GALNT11: variants seen among roughly 807,000 people sequenced by gnomAD.
The protein encoded by GALNT11 is polypeptide N-acetylgalactosaminyltransferase 11, also known as UDP-GalNAc:polypeptide N-acetylgalactosaminyltransferase 11.
In GALNT11, 47 loss-of-function variants were observed where a neutral mutation model predicts 72.7. The ratio of observed to expected loss-of-function variants is 0.65; its 90% CI spans 0.51 to 0.82. The LOEUF (loss-of-function observed/expected upper bound fraction) is 0.82. Ranked by LOEUF, GALNT11 falls within the 40% of genes least tolerant of loss-of-function variation. GALNT11 has a pLI of 0.00. For missense variants in GALNT11, 677 were observed against 778.4 expected (o/e 0.87, Z 1.55); for synonymous variants, 270 against 286.6 (o/e 0.94, Z 0.58).
chr7:152,061,066 T>C (rs2083984309), intron 1 of GALNT11, among the ~76,000 whole-genome samples: 1 of 152,202 alleles, frequency 6.6e-6, no homozygotes, highest in Non-Finnish European at 1.5e-5. Context: ...TCCACAATGG[T>C]TGAACTAGTT....
intron 9 of GALNT11, 112 bp downstream of exon 9, chr7:152,117,487 C>T (rs2088983820): frequency 3.0e-6 from 3 of 1,012,480 alleles, no homozygotes; most frequent in Non-Finnish European, 3.0e-6. Context: ...AGTGTAATGA[C>T]AGGCTTCAGC....
rs1408039998 is a variant in GALNT11 at position 152,090,356 on chromosome 7, A to G, written c.-38-3834A>G. Among the ~76,000 whole-genome samples the G allele has an allele frequency of 2.0e-5, 3 of 151,964 alleles. No individual in the cohort carries two copies. In the East Asian group the frequency reaches 5.8e-4, roughly 29 times the overall value. ...CTGATAATGCTTTTATTATTCTTTTATGTTCCTTGGGTTTATTCAGTTATA... is the reference window on the plus strand; with the variant it reads ...CTGATAATGCTTTTATTATTCTTTTGTGTTCCTTGGGTTTATTCAGTTATA... On this transcript the variant is annotated intron_variant, in intron 1 of 11. Transcript: ENST00000430044.
intron 1 of GALNT11, among the ~76,000 whole-genome samples, chr7:152,052,915 G>A (rs145023143): frequency 2.9e-4 from 44 of 152,178 alleles, no homozygotes; most frequent in East Asian, 1.5e-3. Context: ...CATTCTCTCC[G>A]TGGTCCCTGT....
chr7:152,043,339 A>AAAATTTAT (rs2082958965), intron 1 of GALNT11, among the ~76,000 whole-genome samples: 1 of 152,198 alleles, frequency 6.6e-6, no homozygotes, highest in Non-Finnish European at 1.5e-5. Context: ...CCCAGGCAGA[A>AAAATTTAT]GGCTCACAGC....
chr7:152,033,535 T>G (rs2082407885), intron 1 of GALNT11, among the ~76,000 whole-genome samples: 1 of 152,194 alleles, frequency 6.6e-6, no homozygotes, highest in African/African-American at 2.4e-5. Context: ...GGTAACAAAC[T>G]TATATTTTAC....
chr7:152,033,223 G>A (rs1252071325), intron 1 of GALNT11, among the ~76,000 whole-genome samples: 1 of 152,200 alleles, frequency 6.6e-6, no homozygotes, highest in Non-Finnish European at 1.5e-5. Context: ...GGATGAGGGG[G>A]TGGCTTGTTT....
chr7:152,046,735 T>A (rs1047451553), intron 1 of GALNT11, among the ~76,000 whole-genome samples: 10 of 152,220 alleles, frequency 6.6e-5, no homozygotes, highest in African/African-American at 2.4e-4. Context: ...GTCTGCTTTT[T>A]TATCCATTCA....
At chr7:152,121,059 G>T in intron 11 of GALNT11, 91 bp downstream of exon 11, 1 of 1,482,122 alleles carries the variant, frequency 6.7e-7, no homozygotes, top group Admixed American at 2.4e-5. Flanking sequence ...TTCTACCTTG[G>T]GGGTGGTCTT....
intron 1 of GALNT11, among the ~76,000 whole-genome samples, chr7:152,068,661 A>G (rs2084454489): frequency 6.6e-6 from 1 of 151,922 alleles, no homozygotes; most frequent in Non-Finnish European, 1.5e-5. Flanking sequence ...TCTTTTTTCT[A>G]AGGGAAGAGA....
intron 1 of GALNT11, among the ~76,000 whole-genome samples, chr7:152,054,828 T>A (rs1400954500): frequency 6.6e-6 from 1 of 152,162 alleles, no homozygotes; most frequent in Non-Finnish European, 1.5e-5. Flanking sequence ...ATGTTCATGT[T>A]ACTCAATCCC....
intron 1 of GALNT11, among the ~76,000 whole-genome samples, chr7:152,071,598 C>T (rs2084653907): frequency 1.3e-5 from 2 of 151,980 alleles, no homozygotes; most frequent in South Asian, 4.2e-4. Context: ...CCTCAGCTGA[C>T]AGGATTAAGA....
At chr7:152,091,130 C>A (rs1190787197) in intron 1 of GALNT11, among the ~76,000 whole-genome samples, 2 of 36 alleles carry the variant, frequency 0.056, no homozygotes, top group East Asian at 0.33. Context: ...TCACTGCAAC[C>A]TCTGCTCCCG....
At chr7:152,120,721 G>T in intron 10 of GALNT11, 110 bp from the exon 11 acceptor site, 1 of 929,974 alleles carries the variant, frequency 1.1e-6, no homozygotes, top group Admixed American at 2.0e-5. Flanking sequence ...CTAGTGCATT[G>T]GTCTGTTTCT....
At chr7:152,075,597 G>A (rs893069488) in intron 1 of GALNT11, among the ~76,000 whole-genome samples, 6 of 151,998 alleles carry the variant, frequency 3.9e-5, no homozygotes, top group African/African-American at 9.7e-5. Flanking sequence ...ACCTGAGGTC[G>A]GGAGTTTGAG....
intron 1 of GALNT11, among the ~76,000 whole-genome samples, chr7:152,084,231 T>C (rs1401551505): frequency 6.6e-6 from 1 of 151,814 alleles, no homozygotes; most frequent in Non-Finnish European, 1.5e-5. Flanking sequence ...TAATAAGTTG[T>C]ATTTTCTTTA....
At chr7:152,101,352 C>T (rs1413717459) in intron 3 of GALNT11, among the ~76,000 whole-genome samples, 1 of 152,110 alleles carries the variant, frequency 6.6e-6, no homozygotes, top group Non-Finnish European at 1.5e-5. Flanking sequence ...ATTTGTTGAG[C>T]ACCTTCTGTT....
intron 1 of GALNT11, among the ~76,000 whole-genome samples, chr7:152,055,348 G>A (rs1463652420): frequency 1.3e-5 from 2 of 152,076 alleles, no homozygotes; most frequent in Non-Finnish European, 2.9e-5. Flanking sequence ...ACTCATTTAT[G>A]GAATTCATAA....
In GALNT11 at chr7:152,034,714, C is replaced by T. The variant is rs187123823; in HGVS notation, c.-39+8830C>T. The stretch of plus-strand genomic sequence containing the variant: ...ACACCTCTTGCCCAAGAACCCACAA[C>T]GGTCGGTCCCTGGACCCTGCGGATG... On this transcript the variant is annotated intron_variant, in intron 1 of 11. Transcript: ENST00000430044. Among the ~76,000 whole-genome samples, 61 of 152,264 alleles carry T rather than the reference C, an allele frequency of 4.0e-4. No individual in the cohort carries two copies. In the East Asian group the frequency reaches 9.5e-3, roughly 24 times the overall value.
chr7:152,093,127 G>A (rs534287563), intron 1 of GALNT11, among the ~76,000 whole-genome samples: 1 of 151,982 alleles, frequency 6.6e-6, no homozygotes, highest in East Asian at 1.9e-4. Context: ...TACTTGGGAG[G>A]CTGAGGCAGG....
Sources: allele counts gnomAD v4.1 joint callset (sites outside exome capture counted in the v4.1 genomes callset), GRCh38; gene constraint gnomAD v4.1.1; transcripts MANE v1.5; gene names NCBI Gene and HGNC (gene_info 2026-07-23, HGNC 2026-07-21).